TBC1D1: variants seen among roughly 807,000 people sequenced by gnomAD.
The protein encoded by TBC1D1 is TBC1 domain family member 1.
Under a neutral mutation model 125.6 loss-of-function variants are expected in TBC1D1, and 89 were observed. That is an observed-to-expected ratio of 0.71 (90% CI 0.60 to 0.85). The LOEUF is 0.85. TBC1D1 is among the 40% of genes least tolerant of loss of function. The probability of loss-of-function intolerance (pLI) is 0.00; values close to 1 mark genes in which losing one functional copy is unlikely to be tolerated. For missense variants in TBC1D1, 1,377 were observed against 1,469.2 expected (o/e 0.94, Z 1.03); for synonymous variants, 565 against 564.1 (o/e 1.00, Z -0.02).
At chr4:38,081,772 G>A (rs1756609245) in intron 12 of TBC1D1, among the ~76,000 whole-genome samples, 1 of 152,110 alleles carries the variant, frequency 6.6e-6, no homozygotes, top group Non-Finnish European at 1.5e-5. Context: ...TATGAATGAG[G>A]AAACTGACAC....
intron 15 of TBC1D1, among the ~76,000 whole-genome samples, chr4:38,114,149 G>A (rs1053791847): frequency 9.2e-5 from 14 of 152,166 alleles, no homozygotes; most frequent in African/African-American, 3.1e-4. Context: ...AGATAAAGCT[G>A]GGAGGGTGGG....
intron 17 of TBC1D1, chr4:38,118,523 G>A (rs1457302532): frequency 1.4e-5 from 3 of 220,854 alleles, no homozygotes; most frequent in Non-Finnish European, 2.7e-5. Flanking sequence ...CTCATGAATT[G>A]CCTTCCTCAG....
In TBC1D1 at chr4:38,135,895, T is replaced by C. The variant is rs1472417013; in HGVS notation, c.3307-1240T>C. Reference sequence around the variant, plus strand: ...ATATGTGTGTGTGTGTGTATATATGTGTGTGTGTATATATACGTGTGTGTG... The same window carrying C: ...ATATGTGTGTGTGTGTGTATATATGCGTGTGTGTATATATACGTGTGTGTG... On this transcript the variant is annotated intron_variant, in intron 19 of 19. Coordinates refer to ENST00000261439, the MANE Select transcript of TBC1D1 (RefSeq NM_015173.4). Among the ~76,000 whole-genome samples the C allele has an allele frequency of 9.4e-5, 14 of 149,564 alleles. No individual in the cohort carries two copies. The East Asian group carries it at 1.8e-3, about 19-fold the overall frequency.
chr4:37,935,787 C>A (rs917003139), intron 2 of TBC1D1, among the ~76,000 whole-genome samples: 1 of 152,194 alleles, frequency 6.6e-6, no homozygotes, highest in Non-Finnish European at 1.5e-5. Context: ...TCCAGTCTTA[C>A]CTTCGCCATT....
chr4:37,930,960 T>C (rs1723134156), intron 2 of TBC1D1, among the ~76,000 whole-genome samples: 1 of 152,196 alleles, frequency 6.6e-6, no homozygotes. Context: ...CCCATTCATA[T>C]GGAGAAAGAA....
At position 38,090,034 on chromosome 4, in the gene TBC1D1, G is replaced by C. The variant is rs202172601; in HGVS notation, c.2153G>C (p.Arg718Pro). The change falls in exon 13 of 20, where the codon CGT (arginine) becomes CCT (proline). Residue 718 changes from arginine to proline, a missense_variant. By Grantham distance (103) the Arg-to-Pro change is moderately radical. Coordinates refer to ENST00000261439, the MANE Select transcript of TBC1D1 (RefSeq NM_015173.4). ...CCAGAGGAAAAGAAAAGGACATCTC[G>C]TGAGCTCCGAGAGCTGTGGCAAAAG... The C allele has an allele frequency of 4.3e-6, 7 of 1,614,106 alleles. No homozygotes were observed. Among genetic ancestry groups the C allele is most frequent in the South Asian group, 2.2e-5 (2 of 91,068 alleles).
intron 11 of TBC1D1, among the ~76,000 whole-genome samples, chr4:38,053,612 A>C (rs1751133593): frequency 6.6e-6 from 1 of 152,228 alleles, no homozygotes; most frequent in South Asian, 2.1e-4. Flanking sequence ...GGGCCTTCTC[A>C]GGTTGTCCTG....
At chr4:37,975,660 G>C (rs1482132275) in intron 2 of TBC1D1, among the ~76,000 whole-genome samples, 1 of 152,170 alleles carries the variant, frequency 6.6e-6, no homozygotes, top group Non-Finnish European at 1.5e-5. Context: ...GGCCCTGTCC[G>C]GGCATAACAG....
At chr4:38,049,975 G>A (rs1399503161) in intron 11 of TBC1D1, 77 bp downstream of exon 11, 1 of 1,448,770 alleles carries the variant, frequency 6.9e-7, no homozygotes, top group Non-Finnish European at 9.3e-7. Context: ...TCCCAGGTAT[G>A]TTTATTGAGT....
intron 12 of TBC1D1, among the ~76,000 whole-genome samples, chr4:38,077,100 A>T (rs779756740): frequency 6.6e-6 from 1 of 152,138 alleles, no homozygotes; most frequent in South Asian, 2.1e-4. Context: ...TCACATCATC[A>T]GAGGATGATA....
intron 12 of TBC1D1, among the ~76,000 whole-genome samples, chr4:38,083,660 A>G (rs1428546091): frequency 1.3e-5 from 2 of 152,222 alleles, no homozygotes; most frequent in East Asian, 3.8e-4. Flanking sequence ...CTAAGGTGGC[A>G]AGTGATCAGA....
At chr4:37,895,863 C>G (rs574314529) in intron 1 of TBC1D1, among the ~76,000 whole-genome samples, 1 of 152,192 alleles carries the variant, frequency 6.6e-6, no homozygotes, top group African/African-American at 2.4e-5. Context: ...GAAACAGCCT[C>G]TACTCCAAGG....
At chr4:38,110,659 T>C in intron 15 of TBC1D1, 9 of 985,452 alleles carry the variant, frequency 9.1e-6, no homozygotes, top group Non-Finnish European at 1.1e-5. Flanking sequence ...CACTTAACAG[T>C]CCCATTCTCA....
intron 1 of TBC1D1, among the ~76,000 whole-genome samples, chr4:37,901,454 G>A (rs62297412): frequency 1.3e-5 from 2 of 152,202 alleles, no homozygotes; most frequent in East Asian, 3.9e-4. Flanking sequence ...ACTGCACCTG[G>A]CCTAACATTG....
intron 18 of TBC1D1, among the ~76,000 whole-genome samples, chr4:38,131,752 TGACCTCACGGTCGCTCTGAAG>T (rs1293365344): frequency 6.6e-6 from 1 of 152,248 alleles, no homozygotes; most frequent in African/African-American, 2.4e-5. Flanking sequence ...TAATCCCTGC[TGACCTCACGGTCGCTCTGAAG>T]GACAAAAGAG....
At chr4:38,004,263 T>C (rs1578228459) in intron 2 of TBC1D1, among the ~76,000 whole-genome samples, 1 of 152,206 alleles carries the variant, frequency 6.6e-6, no homozygotes, top group African/African-American at 2.4e-5. Flanking sequence ...CTGCTCCAGA[T>C]CCCTGGCTCC....
At chr4:38,024,958 T>C (rs1024937502) in intron 6 of TBC1D1, among the ~76,000 whole-genome samples, 5 of 152,254 alleles carry the variant, frequency 3.3e-5, no homozygotes, top group African/African-American at 1.2e-4. Flanking sequence ...GTTGATTAGC[T>C]GCACTCTGCT....
chr4:38,123,788 G>T (rs6834918), intron 17 of TBC1D1, among the ~76,000 whole-genome samples: 2,120 of 152,330 alleles, frequency 0.014, 49 homozygotes, highest in African/African-American at 0.048. Context: ...TGGTTACAGA[G>T]GATCTCGAGG....
At chr4:38,131,231 G>A (rs1765536504) in intron 18 of TBC1D1, among the ~76,000 whole-genome samples, 1 of 152,138 alleles carries the variant, frequency 6.6e-6, no homozygotes, top group African/African-American at 2.4e-5. Flanking sequence ...TCAATCCGTA[G>A]GAAAAGCCAG....
Sources: allele counts gnomAD v4.1 joint callset (sites outside exome capture counted in the v4.1 genomes callset), GRCh38; gene constraint gnomAD v4.1.1; transcripts MANE v1.5; gene names NCBI Gene and HGNC (gene_info 2026-07-23, HGNC 2026-07-21).